Variants in SLC45A4 observed in about 807,000 individuals in gnomAD.
SLC45A4 encodes the protein polyamine-transporter SLC45A4.
SLC45A4 carries 32 observed loss-of-function variants against 63.7 expected under a neutral mutation model. The ratio of observed to expected loss-of-function variants is 0.50; its 90% CI spans 0.38 to 0.67. The LOEUF is 0.67. Among genes scored for constraint, SLC45A4 ranks in the 30% least tolerant of loss-of-function variants. The pLI, the probability that SLC45A4 is intolerant of heterozygous loss-of-function variation, is 0.00. For missense variants in SLC45A4, 1,027 were observed against 1,157.7 expected, an observed-to-expected ratio of 0.89 and a Z score of 1.64; for synonymous variants, 535 against 510.0, an observed-to-expected ratio of 1.05 and a Z score of -0.66.
intron 1 of SLC45A4, among the ~76,000 whole-genome samples, chr8:141,257,226 C>A (rs1828838402): frequency 6.6e-6 from 1 of 152,236 alleles, no homozygotes; most frequent in African/African-American, 2.4e-5. Context: ...GACCAACATT[C>A]TGCTATTCTT....
chr8:141,288,468 C>T (rs1417088633), intron 1 of SLC45A4, among the ~76,000 whole-genome samples: 1 of 152,246 alleles, frequency 6.6e-6, no homozygotes, highest in Non-Finnish European at 1.5e-5. Context: ...AAAGCCCTGA[C>T]CGTGTCTGAT....
intron 1 of SLC45A4, among the ~76,000 whole-genome samples, chr8:141,266,219 G>A (rs536604617): frequency 2.6e-4 from 40 of 152,178 alleles, no homozygotes; most frequent in Non-Finnish European, 5.0e-4. Context: ...AACGTGTGCT[G>A]CCCCTTTCAC....
intron 1 of SLC45A4, among the ~76,000 whole-genome samples, chr8:141,276,499 A>G (rs889902660): frequency 6.6e-6 from 1 of 152,200 alleles, no homozygotes; most frequent in African/African-American, 2.4e-5. Flanking sequence ...CAACAGCATG[A>G]AAGTGGCAGG....
intron 1 of SLC45A4, among the ~76,000 whole-genome samples, chr8:141,261,624 T>C (rs763432037): frequency 6.6e-6 from 1 of 152,188 alleles, no homozygotes; most frequent in South Asian, 2.1e-4. Flanking sequence ...CCATTCATAA[T>C]TGCTTCAAAG....
chr8:141,270,945 T>C (rs1321643335), intron 1 of SLC45A4, among the ~76,000 whole-genome samples: 3 of 152,110 alleles, frequency 2.0e-5, no homozygotes, highest in Non-Finnish European at 2.9e-5. Context: ...GCAGAGGGCA[T>C]GGCCTGGCGA....
chr8:141,289,044 T>C (rs1589855902), intron 1 of SLC45A4, among the ~76,000 whole-genome samples: 1 of 152,122 alleles, frequency 6.6e-6, no homozygotes, highest in Admixed American at 6.5e-5. Flanking sequence ...GGCAGAGATG[T>C]GGTCCCAGAG....
intron 1 of SLC45A4, among the ~76,000 whole-genome samples, chr8:141,261,566 T>G (rs368639472): frequency 6.6e-6 from 1 of 152,152 alleles, no homozygotes; most frequent in Admixed American, 6.5e-5. Flanking sequence ...ACAAGCATTC[T>G]TATACACCAA....
At chr8:141,307,515 A>AAAGGAGGGGAAGAAGGGAAGGGG (rs1193736811) in intron 1 of SLC45A4, among the ~76,000 whole-genome samples, 4 of 148,906 alleles carry the variant, frequency 2.7e-5, no homozygotes, top group African/African-American at 1.0e-4. Context: ...GGGCAGAGGG[A>AAAGGAGGGGAAGAAGGGAAGGGG]AAGGAGGGGA....
intron 8 of SLC45A4, 118 bp downstream of exon 8, chr8:141,212,079 G>T: frequency 7.1e-7 from 1 of 1,412,126 alleles, no homozygotes. Context: ...TGCCGGGTCG[G>T]CCACAGCATC....
chr8:141,212,394 C>A lies in SLC45A4; in HGVS notation c.2104G>T (p.Gly702Cys). 1 of 1,613,716 alleles carries A rather than the reference C, an allele frequency of 6.2e-7. No homozygotes were observed. Among genetic ancestry groups the A allele is most frequent in the Non-Finnish European group, 8.5e-7 (1 of 1,180,034 alleles). ...GCCGTCAGGAAGCCCAGGAAAGAGCCCACAGAGGCCACCATGGGGATGACG... is the reference window on the plus strand; with the variant it reads ...GCCGTCAGGAAGCCCAGGAAAGAGCACACAGAGGCCACCATGGGGATGACG... ...VRVIPMVASV[G>C]SFLGFLTATF... Residue 702 changes from glycine (G) to cysteine (C), a missense_variant, in exon 8 of 9, where the codon GGC becomes TGC. Physicochemically the swap from Gly to Cys is radical, Grantham distance 159. Transcript: ENST00000517878.
rs374347167 is a variant in SLC45A4, at chr8:141,212,343, C to T, written c.2155G>A (p.Val719Met). 2.4e-5 allele frequency: 38 copies of T among 1,613,444 alleles called. No homozygotes were observed. Among genetic ancestry groups the T allele is most frequent in the African/African-American group, 2.1e-4 (16 of 74,936 alleles). ...TATFLVIYPN[V>M]SEEAKEEQKG... ...TGCTCCTCCTTGGCCTCCTCTGACA[C>T]GTTGGGATAGATCACCAGGAATGTG... Residue 719 changes from valine to methionine, a missense_variant, in exon 8 of 9, where the codon GTG becomes ATG. Val to Met is a conservative substitution (Grantham distance 21). Transcript: ENST00000517878.
chr8:141,247,879 G>A (rs1341703500), intron 2 of SLC45A4, among the ~76,000 whole-genome samples: 1 of 152,214 alleles, frequency 6.6e-6, no homozygotes, highest in Non-Finnish European at 1.5e-5. Context: ...CAACAGAGGT[G>A]CCATGGATTT....
intron 2 of SLC45A4, among the ~76,000 whole-genome samples, chr8:141,240,954 G>A (rs1827880968): frequency 6.6e-6 from 1 of 152,230 alleles, no homozygotes; most frequent in South Asian, 2.1e-4. Context: ...CCGGATCCAT[G>A]GGAGGGGGAG....
chr8:141,237,849 C>T lies in SLC45A4; in HGVS notation c.242-16084G>A, dbSNP rs80201321. On this transcript the variant is annotated intron_variant, in intron 2 of 8. Coordinates refer to ENST00000517878, the MANE Select transcript of SLC45A4 (RefSeq NM_001286646.2). ...CTCCAGCCCTGGGCACAATGCCCAG[C>T]ATCCAGCAGGTAGGTGCTCCGTAAG... 2.4e-3 allele frequency among the ~76,000 whole-genome samples: 373 copies of T among 152,332 alleles called. 1 individual carries two copies. The highest frequency in any genetic ancestry group is 0.01 in the Middle Eastern group (3 of 294).
intron 2 of SLC45A4, among the ~76,000 whole-genome samples, chr8:141,231,827 G>A (rs1016388954): frequency 1.3e-5 from 2 of 152,208 alleles, no homozygotes; most frequent in South Asian, 4.1e-4. Context: ...CTCTGTGTGC[G>A]CGAAGGCCCA....
chr8:141,263,629 G>A (rs1829133287), intron 1 of SLC45A4, among the ~76,000 whole-genome samples: 2 of 151,176 alleles, frequency 1.3e-5, no homozygotes, highest in Admixed American at 6.6e-5. Context: ...AATTAGCTGG[G>A]CATGGTGGCA....
At chr8:141,265,735 AAAGTT>A (rs1215890150) in intron 1 of SLC45A4, among the ~76,000 whole-genome samples, 3 of 152,206 alleles carry the variant, frequency 2.0e-5, no homozygotes, top group Non-Finnish European at 4.4e-5. Context: ...GAGAAGCTCA[AAAGTT>A]AAGCTGTGAC....
rs1467375215 is a variant in SLC45A4, at chr8:141,218,983, G to C, written c.657C>G (p.Thr219=). 1.9e-6 allele frequency: 3 copies of C among 1,613,278 alleles called. No individual in the cohort carries two copies. The highest frequency in any genetic ancestry group is 2.5e-6 in the Non-Finnish European group (3 of 1,179,926). ...GGAACCAGCTGCCCAGGAAGGTCTG[G>C]GTCCAGTCCAGCCCACCCAGCACGT... The part of the protein sequence containing the change: ...IGYVLGGLDW[T]QTFLGSWFRT... The change falls in exon 5 of 9, where the codon ACC becomes ACG. Residue 219 remains threonine, a synonymous_variant. Transcript: ENST00000517878.
intron 2 of SLC45A4, among the ~76,000 whole-genome samples, chr8:141,240,837 AG>A (rs2154614476): frequency 6.6e-6 from 1 of 152,376 alleles, no homozygotes; most frequent in East Asian, 1.9e-4. Context: ...GCCGTGCTGC[AG>A]TGGAGACGCA....
Sources: gnomAD v4.1 joint callset for allele counts (sites outside exome capture counted in the v4.1 genomes callset) on GRCh38, gnomAD v4.1.1 for gene constraint, MANE v1.5 for transcripts, NCBI Gene and HGNC (gene_info 2026-07-23, HGNC 2026-07-21) for gene names.